CFAP20DC: variants seen among roughly 807,000 people sequenced by gnomAD.
The protein encoded by CFAP20DC is protein CFAP20DC.
A neutral mutation model predicts 101.7 loss-of-function variants in CFAP20DC; 84 were observed. That is an observed-to-expected ratio of 0.83 (90% confidence interval 0.69 to 0.99). CFAP20DC has a LOEUF of 0.99. Ranked by LOEUF, CFAP20DC falls within the 50% of genes least tolerant of loss-of-function variation. The probability of loss-of-function intolerance (pLI) is 0.00; values close to 1 mark genes in which losing one functional copy is unlikely to be tolerated. For synonymous variants in CFAP20DC, 359 were observed against 351.2 expected (o/e 1.02, Z -0.25); for missense variants, 1,007 against 970.3 (o/e 1.04, Z -0.50).
At chr3:58,989,650 A>G (rs188830735) in intron 4 of CFAP20DC, among the ~76,000 whole-genome samples, 1,785 of 152,322 alleles carry the variant, frequency 0.012, 42 homozygotes, top group African/African-American at 0.04. Flanking sequence ...ACTGCTTTAG[A>G]TAAAATAAAC....
In CFAP20DC at chr3:58,912,827, T is replaced by C; in HGVS notation, c.550+881A>G. ...CTAGAAATATGAGGAAGAACTCAAC[T>C]CTTTCCATTTTAACTTGATCACTAG... On this transcript the variant is annotated intron_variant, in intron 6 of 16. Coordinates refer to ENST00000482387, the MANE Select transcript of CFAP20DC (RefSeq NM_001394063.1). This position sits in a 1 kb window ranked among gnomAD's most constrained non-coding sequence, Gnocchi z 4.4. 2.3e-6 allele frequency: 1 copy of C among 431,924 alleles called. No homozygotes were observed. Among genetic ancestry groups the C allele is most frequent in the Non-Finnish European group, 4.6e-6 (1 of 219,292 alleles). The allele number at this position is 431,924 out of a possible 1,614,324, so 26.8% of individuals were successfully genotyped here.
At chr3:58,888,060 C>G (rs1381638994) in intron 6 of CFAP20DC, among the ~76,000 whole-genome samples, 1 of 152,236 alleles carries the variant, frequency 6.6e-6, no homozygotes, top group Non-Finnish European at 1.5e-5. Context: ...CATCTCCCCA[C>G]CTCACCACTA....
rs557642521 is a variant in CFAP20DC, at chr3:58,813,605, C to T, written c.2176-7149G>A. 8.8e-4 allele frequency among the ~76,000 whole-genome samples: 134 copies of T among 151,942 alleles called. 1 individual carries two copies. The highest frequency in any genetic ancestry group is 3.2e-3 in the African/African-American group (131 of 41,268). On this transcript the variant is annotated intron_variant, in intron 14 of 16. Coordinates refer to ENST00000482387, the MANE Select transcript of CFAP20DC (RefSeq NM_001394063.1). ...TACTCCTTAGCTTCCAGATATTTCT[C>T]ATTAAAAGAAGTCTCAAAATATTAA... is the stretch of plus-strand genomic sequence containing the variant.
intron 15 of CFAP20DC, among the ~76,000 whole-genome samples, chr3:58,772,612 A>G (rs116043352): frequency 6.6e-6 from 1 of 152,298 alleles, no homozygotes; most frequent in South Asian, 2.1e-4. Flanking sequence ...CTACCTCATA[A>G]ATATATGCAA....
chr3:58,849,279 G>T lies in CFAP20DC; in HGVS notation c.1724C>A (p.Thr575Lys), dbSNP rs1272506909. Residue 575 changes from threonine to lysine, a missense_variant, in exon 13 of 17, where the codon ACA (threonine) becomes AAA (lysine). By Grantham distance (78) the Thr-to-Lys change is moderately conservative. Transcript: ENST00000482387. ...CTGGCTTTCTGTTGCTCCTGCTTCT[G>T]TGTAGGCGCTCCTTAGATATTCCTT... is the stretch of plus-strand genomic sequence containing the variant. ...TSKEYLRSAY[T>K]EAGATESQDS... The T allele has an allele frequency of 1.3e-6, 2 of 1,536,070 alleles. No homozygotes were observed. The highest frequency in any genetic ancestry group is 1.2e-5 in the South Asian group (1 of 84,040).
chr3:58,984,861 G>C (rs2092699459), intron 4 of CFAP20DC, among the ~76,000 whole-genome samples: 1 of 152,130 alleles, frequency 6.6e-6, no homozygotes, highest in Non-Finnish European at 1.5e-5. Flanking sequence ...AAGGAACTTG[G>C]TAAAGTTGCT....
At chr3:58,853,019 C>A (rs1053826149) in intron 12 of CFAP20DC, among the ~76,000 whole-genome samples, 6 of 152,142 alleles carry the variant, frequency 3.9e-5, no homozygotes, top group Admixed American at 2.0e-4. Context: ...ACACAAAAAA[C>A]CCTTCAAAAA....
chr3:58,914,582 A>G lies in CFAP20DC; in HGVS notation c.394-718T>C, dbSNP rs1036697700. On this transcript the variant is annotated intron_variant, in intron 5 of 16. Transcript: ENST00000482387. The surrounding 1 kb of genome is among the most constrained non-coding windows in gnomAD (Gnocchi z 4.9). ...GCCAGAAAAATAATTTTTGAAATGA[A>G]AAGTAGTATTAAAGTTTTATGTGCT... Among the ~76,000 whole-genome samples the G allele has an allele frequency of 2.0e-5, 3 of 151,894 alleles. No individual in the cohort carries two copies. Among genetic ancestry groups the G allele is most frequent in the Admixed American group, 6.6e-5 (1 of 15,238 alleles).
intron 4 of CFAP20DC, among the ~76,000 whole-genome samples, chr3:58,941,608 G>T (rs1249060939): frequency 6.6e-6 from 1 of 151,588 alleles, no homozygotes; most frequent in African/African-American, 2.4e-5. Context: ...TCGCTCTGTG[G>T]CCCAGGCTGG....
rs536878415 is a variant in CFAP20DC at position 59,016,195 on chromosome 3, A to C, written c.278+23362T>G. Among the ~76,000 whole-genome samples the C allele has an allele frequency of 2.6e-5, 4 of 152,302 alleles. 1 individual carries two copies. In the South Asian group the frequency reaches 8.3e-4, roughly 32 times the overall value. ...ATACACAATGGAATACTATCCAGCC[A>C]TAAAAGGGATGAAATCCTGTCATTG... On this transcript the variant is annotated intron_variant, in intron 4 of 16. Coordinates refer to ENST00000482387, the MANE Select transcript of CFAP20DC (RefSeq NM_001394063.1).
rs1317875371 is a variant in CFAP20DC at position 58,892,659 on chromosome 3, C to T, written c.551-7950G>A. On this transcript the variant is annotated intron_variant, in intron 6 of 16. Coordinates refer to ENST00000482387, the MANE Select transcript of CFAP20DC (RefSeq NM_001394063.1). This position sits in a 1 kb window ranked among gnomAD's most constrained non-coding sequence, Gnocchi z 4.0. ...TGCCTGTTGTTGGTGTATAGGAATG[C>T]TAGCAATGTTTGCACATTTATTTTG... Among the ~76,000 whole-genome samples the T allele has an allele frequency of 6.6e-6, 1 of 152,124 alleles. No individual in the cohort carries two copies. The highest frequency in any genetic ancestry group is 1.5e-5 in the Non-Finnish European group (1 of 68,038).
chr3:58,812,204 G>C (rs2074703035), intron 14 of CFAP20DC, among the ~76,000 whole-genome samples: 1 of 152,012 alleles, frequency 6.6e-6, no homozygotes, highest in Admixed American at 6.6e-5. Flanking sequence ...CCCATTACTG[G>C]GTATATACCC....
intron 5 of CFAP20DC, among the ~76,000 whole-genome samples, chr3:58,934,664 A>G (rs1189298159): frequency 6.6e-6 from 1 of 152,242 alleles, no homozygotes; most frequent in Non-Finnish European, 1.5e-5. Context: ...AGAACCAAAG[A>G]CAAAAACCAC....
At position 58,799,737 on chromosome 3, in the gene CFAP20DC, G is replaced by C. The variant is rs1197528359; in HGVS notation, c.2237+6658C>G. On this transcript the variant is annotated intron_variant, in intron 15 of 16. Coordinates refer to ENST00000482387, the MANE Select transcript of CFAP20DC (RefSeq NM_001394063.1). This position sits in a 1 kb window ranked among gnomAD's most constrained non-coding sequence, Gnocchi z 4.9. The stretch of plus-strand genomic sequence containing the variant: ...TGTGTGTGTCTGTGTGTGTGTCTGT[G>C]TGTGTGTGTGTGTGTGTGTGTGTGT... 9.8e-6 allele frequency among the ~76,000 whole-genome samples: 1 copy of C among 102,022 alleles called. No homozygotes were observed. The highest frequency in any genetic ancestry group is 4.0e-5 in the African/African-American group (1 of 24,830). 66.9% of individuals were successfully genotyped at this position (102,022 alleles called of 152,430 possible).
At chr3:58,841,908 T>C (rs2077144151) in intron 13 of CFAP20DC, among the ~76,000 whole-genome samples, 1 of 152,210 alleles carries the variant, frequency 6.6e-6, no homozygotes, top group Admixed American at 6.5e-5. Context: ...ATAATGACAT[T>C]TGCCAGTTTA....
intron 5 of CFAP20DC, among the ~76,000 whole-genome samples, chr3:58,928,107 T>G (rs1424277289): frequency 6.6e-6 from 1 of 152,216 alleles, no homozygotes; most frequent in African/African-American, 2.4e-5. Flanking sequence ...ATTTGTTCAA[T>G]AAACATTTAT....
chr3:59,013,328 A>T (rs2108889461), intron 4 of CFAP20DC, among the ~76,000 whole-genome samples: 1 of 152,280 alleles, frequency 6.6e-6, no homozygotes, highest in Non-Finnish European at 1.5e-5. Flanking sequence ...TTTATGTTAG[A>T]TTGTGATCCA....
chr3:58,961,079 A>C (rs2091092888), intron 4 of CFAP20DC, among the ~76,000 whole-genome samples: 1 of 152,228 alleles, frequency 6.6e-6, no homozygotes. Flanking sequence ...ACCTTTCATT[A>C]CTGGGATAAA....
chr3:58,770,655 T>C (rs1453140466), intron 15 of CFAP20DC, among the ~76,000 whole-genome samples: 1 of 152,178 alleles, frequency 6.6e-6, no homozygotes, highest in Non-Finnish European at 1.5e-5. Flanking sequence ...TCCCAGCAAC[T>C]GTAGTCAGTT....
Sources: gnomAD v4.1 joint callset for allele counts (sites outside exome capture counted in the v4.1 genomes callset) on GRCh38, gnomAD v4.1.1 for gene constraint, Gnocchi (gnomAD v3.1) non-coding constraint, MANE v1.5 for transcripts, NCBI Gene and HGNC (gene_info 2026-07-23, HGNC 2026-07-21) for gene names.